The following TRIM61 variants were observed in gnomAD, a reference collection of about 807,000 sequenced individuals.
The protein encoded by TRIM61 is putative tripartite motif-containing protein 61.
In TRIM61, 1 loss-of-function variant was observed where a neutral mutation model predicts 14.2. The ratio of observed to expected loss-of-function variants is 0.07; its 90% CI spans 0.03 to 0.33. The LOEUF (loss-of-function observed/expected upper bound fraction) is 0.33. Ranked by LOEUF, TRIM61 falls within the 10% of genes least tolerant of loss-of-function variation. TRIM61 has a pLI of 0.99. For synonymous variants in TRIM61, 8 were observed against 71.6 expected (o/e 0.11, Z 4.49); for missense variants, 19 against 202.2 (o/e 0.09, Z 5.49).
intron 3 of TRIM61, chr4:164,956,940 G>A (rs921991040): frequency 4.5e-6 from 6 of 1,343,416 alleles, no homozygotes; most frequent in South Asian, 1.5e-5. Flanking sequence ...GGCCGGCACC[G>A]TCTCTGGGCT....
At chr4:164,962,238 T>C (rs1732152064) in intron 3 of TRIM61, among the ~76,000 whole-genome samples, 1 of 151,062 alleles carries the variant, frequency 6.6e-6, no homozygotes, top group Admixed American at 6.6e-5. Flanking sequence ...TTTTTTTTTT[T>C]TTGAGACAGT....
intron 3 of TRIM61, chr4:164,958,961 C>T (rs1732073685): frequency 6.0e-6 from 1 of 167,082 alleles, no homozygotes; most frequent in African/African-American, 2.4e-5. Flanking sequence ...CAGGCACATA[C>T]TCTATCTTTC....
chr4:164,961,069 A>G (rs1732121813), intron 3 of TRIM61, among the ~76,000 whole-genome samples: 1 of 150,658 alleles, frequency 6.6e-6, no homozygotes, highest in African/African-American at 2.4e-5. Flanking sequence ...CAAAAAGACA[A>G]TGTAAGAGGA....
intron 3 of TRIM61, chr4:164,958,811 A>G (rs960836951): frequency 5.4e-5 from 9 of 167,204 alleles, no homozygotes; most frequent in African/African-American, 2.2e-4. Context: ...ATGCCATCCT[A>G]CACCAAATTC....
At chr4:164,959,569 C>T (rs963164685) in intron 3 of TRIM61, among the ~76,000 whole-genome samples, 1 of 152,176 alleles carries the variant, frequency 6.6e-6, no homozygotes, top group Non-Finnish European at 1.5e-5. Context: ...GTGAAGGCCA[C>T]ACATGCCTGA....
intron 3 of TRIM61, among the ~76,000 whole-genome samples, chr4:164,955,900 G>A (rs1012883031): frequency 3.3e-5 from 5 of 152,186 alleles, no homozygotes; most frequent in Admixed American, 1.3e-4. Flanking sequence ...AATCGATTAA[G>A]ATTAGGGACA....
intron 3 of TRIM61, among the ~76,000 whole-genome samples, chr4:164,965,317 T>C (rs765084781): frequency 6.6e-6 from 1 of 151,900 alleles, no homozygotes; most frequent in Non-Finnish European, 1.5e-5. Flanking sequence ...AAACTTAAAT[T>C]GAAGCTTTAC....
At position 164,954,979 on chromosome 4, in the gene TRIM61, T is replaced by A; in HGVS notation, c.*13A>T. 1 of 312,070 alleles carries A rather than the reference T, an allele frequency of 3.2e-6. No homozygotes were observed. The highest frequency in any genetic ancestry group is 6.5e-6 in the Non-Finnish European group (1 of 153,420). 19.3% of individuals were successfully genotyped at this position (312,070 alleles called of 1,614,324 possible). Reference sequence around the variant, plus strand: ...AGCTGGGCATGGTGGAGGGCACCTGTAGTCCCAGCTACTCAGGAGCCAGAG... The same window carrying A: ...AGCTGGGCATGGTGGAGGGCACCTGAAGTCCCAGCTACTCAGGAGCCAGAG... On this transcript the variant is annotated 3_prime_UTR_variant, in exon 4 of 5. Transcript: ENST00000329314.
chr4:164,968,903 C>G (rs2111145937), intron 3 of TRIM61: 1 of 990,760 alleles, frequency 1.0e-6, no homozygotes. Flanking sequence ...ACAGTCATTA[C>G]AGACACCAAG....
chr4:164,968,272 TATAA>T lies in TRIM61; in HGVS notation c.525+1202_525+1205del. On this transcript the variant is annotated intron_variant, in intron 3 of 4. Coordinates refer to ENST00000329314, the MANE Select transcript of TRIM61 (RefSeq NM_001012414.3). The stretch of plus-strand genomic sequence containing the variant: ...CTTAATCTTTCTTAAAGGAAAAGTA[TATAA>T]GAAATACAGAAAAAAATTACTGGGC... The T allele has an allele frequency of 1.1e-6, 1 of 925,496 alleles. No homozygotes were observed. The allele number at this position is 925,496 out of a possible 1,614,324, so 57.3% of individuals were successfully genotyped here.
intron 3 of TRIM61, chr4:164,956,996 C>T: frequency 6.8e-7 from 1 of 1,460,302 alleles, no homozygotes; most frequent in Admixed American, 2.7e-5. Context: ...ACGTTGGAGA[C>T]CGGGGCAGCG....
intron 3 of TRIM61, chr4:164,957,608 T>C: frequency 8.7e-7 from 1 of 1,148,662 alleles, no homozygotes; most frequent in South Asian, 1.7e-5. Flanking sequence ...TAACTAAAAA[T>C]ACATGAATGC....
intron 4 of TRIM61, chr4:164,954,861 TG>T: frequency 5.5e-6 from 1 of 182,506 alleles, no homozygotes; most frequent in Non-Finnish European, 1.2e-5. Flanking sequence ...CCCAGCACTT[TG>T]GGAGGCCAAG....
At chr4:164,957,700 A>G (rs1245834084) in intron 3 of TRIM61, 8 of 645,912 alleles carry the variant, frequency 1.2e-5, no homozygotes, top group African/African-American at 1.8e-5. Context: ...AATGAATAAG[A>G]TGCAGTTCTG....
At chr4:164,963,926 TAAA>T (rs1474182484) in intron 3 of TRIM61, among the ~76,000 whole-genome samples, 1 of 151,980 alleles carries the variant, frequency 6.6e-6, no homozygotes, top group African/African-American at 2.4e-5. Context: ...AAAATAAAAA[TAAA>T]AATGCAATAT....
chr4:164,971,606 A>G (rs989600691), intron 2 of TRIM61, among the ~76,000 whole-genome samples: 1 of 151,678 alleles, frequency 6.6e-6, no homozygotes, highest in Non-Finnish European at 1.5e-5. Context: ...AAAAAAAAAA[A>G]GTGTAAATAG....
chr4:164,957,240 C>G, intron 3 of TRIM61: 1 of 1,604,276 alleles, frequency 6.2e-7, no homozygotes. Context: ...CAACAGCGGT[C>G]GCTCCACCAA....
At chr4:164,966,607 AG>A in intron 3 of TRIM61, among the ~76,000 whole-genome samples, 1 of 152,218 alleles carries the variant, frequency 6.6e-6, no homozygotes, top group Non-Finnish European at 1.5e-5. Context: ...CATTAAACCT[AG>A]ATTTTTAAAA....
intron 2 of TRIM61, among the ~76,000 whole-genome samples, chr4:164,975,547 T>G (rs1032668947): frequency 6.6e-6 from 1 of 152,174 alleles, no homozygotes; most frequent in Admixed American, 6.5e-5. Context: ...AAACATGTGT[T>G]GTATAAAATC....
Sources: allele counts gnomAD v4.1 joint callset (sites outside exome capture counted in the v4.1 genomes callset), GRCh38; gene constraint gnomAD v4.1.1; transcripts MANE v1.5; gene names NCBI Gene and HGNC (gene_info 2026-07-23, HGNC 2026-07-21).